Variants in KDM6A observed in about 807,000 individuals in gnomAD.
The protein encoded by KDM6A is lysine demethylase 6A, also known as lysine-specific demethylase 6A.
Under a neutral mutation model 117.6 loss-of-function variants are expected in KDM6A, and 11 were observed. The ratio of observed to expected loss-of-function variants is 0.09; its 90% CI spans 0.06 to 0.15. KDM6A has a LOEUF of 0.15. Among genes scored for constraint, KDM6A ranks in the 10% least tolerant of loss-of-function variants. The pLI, the probability that KDM6A is intolerant of heterozygous loss-of-function variation, is 1.00. For missense variants in KDM6A, 799 were observed against 1,077.3 expected, an observed-to-expected ratio of 0.74 and a Z score of 3.62; for synonymous variants, 384 against 396.1, an observed-to-expected ratio of 0.97 and a Z score of 0.36.
Position 45,110,125 on chromosome X carries a change from G to A in KDM6A, c.4208G>A (p.Arg1403Gln), listed in dbSNP as rs370765411. 7.4e-6 allele frequency: 9 copies of A among 1,210,070 alleles called. No individual in the cohort carries two copies. The highest frequency in any genetic ancestry group is 2.3e-4 in the Middle Eastern group (1 of 4,351). ...LLFVTNESNS[R>Q]KTYIVHCQDC... ...TTTGTCACTAATGAGAGTAATTCAC[G>A]AAAGACCTACATAGTACATTGCCAA... The change falls in exon 29 of 30, where the codon CGA becomes CAA. Residue 1403 changes from arginine (R) to glutamine (Q), a missense_variant. Transcript: ENST00000611820.
intron 2 of KDM6A, among the ~76,000 whole-genome samples, chrX:44,940,422 G>GA (rs970616987): frequency 8.9e-6 from 1 of 111,761 alleles, no homozygotes; most frequent in African/African-American, 3.3e-5. Flanking sequence ...AATCTCATCA[G>GA]AAAAAACTTT....
chrX:44,873,484 G>T lies in KDM6A; in HGVS notation c.-68G>T. 1.7e-6 allele frequency: 2 copies of T among 1,189,697 alleles called. No homozygotes were observed. The highest frequency in any genetic ancestry group is 2.3e-6 in the Non-Finnish European group (2 of 877,814). ...TGTGCTGGTCCCGCGCGCAGATTGGGGGCGTCACTGCGGGCCCCGGTCCGA... is the reference window on the plus strand; with the variant it reads ...TGTGCTGGTCCCGCGCGCAGATTGGTGGCGTCACTGCGGGCCCCGGTCCGA... On this transcript the variant is annotated 5_prime_UTR_variant, in exon 1 of 30. Transcript: ENST00000611820.
Position 44,920,915 on chromosome X carries a change from G to A in KDM6A, c.226-40369G>A, listed in dbSNP as rs186129487. ...TTTTAAGACAGAGTCTCGCTCTGTC[G>A]CCAGGCTGGAGTGCAGTGGTGTGAT... On this transcript the variant is annotated intron_variant, in intron 2 of 29. Coordinates refer to ENST00000611820, the MANE Select transcript of KDM6A (RefSeq NM_001291415.2). 2.4e-3 allele frequency among the ~76,000 whole-genome samples: 205 copies of A among 84,681 alleles called. 2 individuals carry two copies. The highest frequency in any genetic ancestry group is 2.6e-3 in the Non-Finnish European group (116 of 44,467). 73.5% of individuals were successfully genotyped at this position (84,681 alleles called of 115,157 possible).
intron 4 of KDM6A, among the ~76,000 whole-genome samples, chrX:45,008,591 T>C (rs1294246160): frequency 9.1e-6 from 1 of 109,597 alleles, no homozygotes; most frequent in Non-Finnish European, 1.9e-5. Flanking sequence ...TTTACCACAT[T>C]CTGAATATCC....
At chrX:44,917,007 G>A (rs1479829458) in intron 2 of KDM6A, among the ~76,000 whole-genome samples, 4 of 106,720 alleles carry the variant, frequency 3.7e-5, no homozygotes, top group Admixed American at 3.0e-4. Flanking sequence ...GTGATGACAC[G>A]GTCTGTCTAT....
chrX:45,044,858 CT>C (rs1569529381), intron 8 of KDM6A, among the ~76,000 whole-genome samples: 1 of 111,378 alleles, frequency 9.0e-6, no homozygotes, highest in African/African-American at 3.3e-5. Context: ...ATTTTTAACA[CT>C]TTTCTGTCAA....
chrX:45,109,085 A>G (rs1459429198), intron 28 of KDM6A, among the ~76,000 whole-genome samples: 13 of 105,518 alleles, frequency 1.2e-4, no homozygotes, highest in African/African-American at 4.5e-4. Context: ...TAACCTGCAC[A>G]ATGTGCACAT....
chrX:44,987,609 A>T (rs1415696776), intron 4 of KDM6A, among the ~76,000 whole-genome samples: 2 of 111,356 alleles, frequency 1.8e-5, no homozygotes, highest in East Asian at 2.8e-4. Flanking sequence ...CCTGGTGGTG[A>T]TAAAATCTCT....
At chrX:45,077,744 AT>A (rs953194025) in intron 19 of KDM6A, among the ~76,000 whole-genome samples, 6 of 111,064 alleles carry the variant, frequency 5.4e-5, no homozygotes, top group African/African-American at 1.6e-4. Context: ...TTTAGGCATA[AT>A]TTTTTTTCTT....
chrX:45,044,656 A>G (rs1234212078), intron 8 of KDM6A, among the ~76,000 whole-genome samples: 1 of 111,763 alleles, frequency 8.9e-6, no homozygotes, highest in Non-Finnish European at 1.9e-5. Flanking sequence ...CCAATAATGT[A>G]TGTTCTCTTC....
chrX:45,077,511 A>T (rs186282857), intron 19 of KDM6A, among the ~76,000 whole-genome samples: 103 of 110,435 alleles, frequency 9.3e-4, no homozygotes, highest in Non-Finnish European at 1.3e-4. Context: ...ATGGTACTAG[A>T]GTTTGTTTTA....
At chrX:44,895,205 G>C (rs2033732412) in intron 2 of KDM6A, among the ~76,000 whole-genome samples, 1 of 108,509 alleles carries the variant, frequency 9.2e-6, no homozygotes, top group Admixed American at 1.0e-4. Context: ...TCCTGGGTTT[G>C]CGCCATTCTC....
intron 6 of KDM6A, among the ~76,000 whole-genome samples, chrX:45,029,176 T>C (rs867272964): frequency 1.1e-4 from 12 of 111,790 alleles, no homozygotes; most frequent in African/African-American, 3.2e-4. Context: ...GGCTCACACC[T>C]GTAATCCCAG....
chrX:45,009,517 C>G (rs1290618858), intron 4 of KDM6A, among the ~76,000 whole-genome samples: 1 of 111,473 alleles, frequency 9.0e-6, no homozygotes, highest in East Asian at 2.8e-4. Context: ...CAGTCTCATC[C>G]TGTGACTAAG....
At chrX:45,074,478 A>G (rs771792038) in intron 18 of KDM6A, among the ~76,000 whole-genome samples, 1 of 112,137 alleles carries the variant, frequency 8.9e-6, no homozygotes, top group Admixed American at 9.5e-5. Flanking sequence ...AGAGCACTAT[A>G]GATACCATCA....
intron 5 of KDM6A, among the ~76,000 whole-genome samples, chrX:45,012,918 A>G (rs1351775686): frequency 1.8e-5 from 2 of 111,689 alleles, no homozygotes; most frequent in Admixed American, 1.9e-4. Context: ...GAAGCTTTGT[A>G]ATTTTATTCT....
intron 4 of KDM6A, among the ~76,000 whole-genome samples, chrX:44,979,968 C>A (rs1327711948): frequency 9.5e-6 from 1 of 105,580 alleles, no homozygotes; most frequent in African/African-American, 3.4e-5. Flanking sequence ...AATGTAAGTT[C>A]CCTGTATTAT....
intron 4 of KDM6A, among the ~76,000 whole-genome samples, chrX:44,976,307 T>G (rs2147272040): frequency 1.8e-5 from 2 of 111,731 alleles, no homozygotes; most frequent in Admixed American, 1.9e-4. Flanking sequence ...GTGGCTGGCT[T>G]CTTTAACTTA....
At chrX:44,947,293 T>G (rs1304013188) in intron 2 of KDM6A, among the ~76,000 whole-genome samples, 1 of 111,167 alleles carries the variant, frequency 9.0e-6, no homozygotes, top group African/African-American at 3.3e-5. Flanking sequence ...CTTTGGATTG[T>G]TATTAGTTGA....
Sources: gnomAD v4.1 joint callset for allele counts (sites outside exome capture counted in the v4.1 genomes callset) on GRCh38, gnomAD v4.1.1 for gene constraint, MANE v1.5 for transcripts, NCBI Gene and HGNC (gene_info 2026-07-23, HGNC 2026-07-21) for gene names.